The following SND1 variants were observed in gnomAD, a reference collection of about 807,000 sequenced individuals.
The protein encoded by SND1 is staphylococcal nuclease domain-containing protein 1.
In SND1, 38 loss-of-function variants were observed where a neutral mutation model predicts 121.7. The ratio of observed to expected loss-of-function variants is 0.31; its 90% CI spans 0.24 to 0.41. SND1 has a LOEUF of 0.41. Among genes scored for constraint, SND1 ranks in the 10% least tolerant of loss-of-function variants. The pLI, the probability that SND1 is intolerant of heterozygous loss-of-function variation, is 1.00. For synonymous variants in SND1, 401 were observed against 447.4 expected (o/e 0.90, Z 1.31); for missense variants, 868 against 1,184.6 (o/e 0.73, Z 3.92).
At position 127,929,276 on chromosome 7, in the gene SND1, G is replaced by T. The variant is rs143989011; in HGVS notation, c.1616G>T (p.Arg539Leu). 6.2e-7 allele frequency: 1 copy of T among 1,614,016 alleles called. No individual in the cohort carries two copies. Among genetic ancestry groups the T allele is most frequent in the South Asian group, 1.1e-5 (1 of 91,074 alleles). Residue 539 changes from arginine to leucine, a missense_variant, in exon 15 of 24, where the codon CGT (arginine) becomes CTT (leucine). Arg to Leu is a moderately radical substitution (Grantham distance 102). Transcript: ENST00000354725. ...GTGGAATACGTCTTCAGTGGTTCTC[G>T]TCTCAAACTCTATTTGCCAAAGGAA... is the stretch of plus-strand genomic sequence containing the variant. ...AVVEYVFSGS[R>L]LKLYLPKETC...
rs371153040 is a variant in SND1 at position 128,050,427 on chromosome 7, GA to G, written c.1780-24071del. ...CTCACAGCATTGAGTCTGATACTGA[GA>G]AAAGAAAGCCTCTGCAAGTTTAGCT... On this transcript the variant is annotated intron_variant, in intron 16 of 23. Coordinates refer to ENST00000354725, the MANE Select transcript of SND1 (RefSeq NM_014390.4). Among the ~76,000 whole-genome samples the G allele has an allele frequency of 9.1e-4, 138 of 152,306 alleles. 1 individual carries two copies. Among genetic ancestry groups the G allele is most frequent in the Middle Eastern group, 3.4e-3 (1 of 294 alleles).
At chr7:127,693,060 T>C (rs1795948971) in intron 2 of SND1, among the ~76,000 whole-genome samples, 1 of 152,252 alleles carries the variant, frequency 6.6e-6, no homozygotes, top group Non-Finnish European at 1.5e-5. Flanking sequence ...AGCTCTATGT[T>C]ACTGAATTTT....
chr7:127,663,952 G>A (rs1260554698), intron 1 of SND1, among the ~76,000 whole-genome samples: 2 of 152,170 alleles, frequency 1.3e-5, no homozygotes, highest in Non-Finnish European at 2.9e-5. Context: ...TAAGAAGGTG[G>A]TGTGTGATAT....
At chr7:127,768,107 A>G (rs1276152546) in intron 10 of SND1, among the ~76,000 whole-genome samples, 1 of 152,196 alleles carries the variant, frequency 6.6e-6, no homozygotes. Flanking sequence ...TCTGGGACAT[A>G]GAATAGGTTG....
At chr7:127,765,413 C>T (rs530141369) in intron 10 of SND1, among the ~76,000 whole-genome samples, 29 of 152,324 alleles carry the variant, frequency 1.9e-4, no homozygotes, top group Non-Finnish European at 2.8e-4. Context: ...ACTCAGACAT[C>T]TTCTTTGTGT....
At chr7:127,737,892 G>A (rs1355558867) in intron 10 of SND1, among the ~76,000 whole-genome samples, 1 of 152,154 alleles carries the variant, frequency 6.6e-6, no homozygotes, top group Non-Finnish European at 1.5e-5. Context: ...AGGCAAGAGG[G>A]CAGCCATTGA....
intron 14 of SND1, among the ~76,000 whole-genome samples, chr7:127,924,143 A>G (rs1465348987): frequency 2.0e-5 from 3 of 152,000 alleles, no homozygotes; most frequent in Non-Finnish European, 2.9e-5. Flanking sequence ...ATAGGAAGAA[A>G]CATCCTGGGA....
intron 12 of SND1, among the ~76,000 whole-genome samples, chr7:127,864,728 T>C (rs1167354218): frequency 1.3e-5 from 2 of 152,178 alleles, no homozygotes; most frequent in African/African-American, 4.8e-5. Context: ...GCACTATGGA[T>C]TTTGCTGGTC....
In SND1 at chr7:127,926,718, ATTTTGTTGTTGTTGTTGTTGTTGT is replaced by A. The variant is rs1228295755; in HGVS notation, c.1528-2468_1528-2445del. ...CAGGTGCCCACCACCACACCCGGCT[ATTTTGTTGTTGTTGTTGTTGTTGT>A]TGTTGTTGTTGTTGTTGTTGTTGTA... On this transcript the variant is annotated intron_variant, in intron 14 of 23. Transcript: ENST00000354725. Among the ~76,000 whole-genome samples the A allele has an allele frequency of 1.7e-4, 12 of 72,124 alleles. No individual in the cohort carries two copies. The East Asian group carries it at 3.0e-3, about 18-fold the overall frequency. The allele number at this position is 72,124 out of a possible 152,430, so 47.3% of individuals were successfully genotyped here.
chr7:127,961,392 A>G (rs1021886166), intron 15 of SND1, among the ~76,000 whole-genome samples: 8 of 152,224 alleles, frequency 5.3e-5, no homozygotes, highest in Non-Finnish European at 1.0e-4. Flanking sequence ...AGATCCAGGC[A>G]TCTTTATTCC....
At chr7:127,840,124 C>T (rs1288959655) in intron 11 of SND1, among the ~76,000 whole-genome samples, 1 of 152,194 alleles carries the variant, frequency 6.6e-6, no homozygotes. Flanking sequence ...AAGACATGGT[C>T]TCCCCACTCT....
At chr7:128,019,916 C>G (rs911281809) in intron 16 of SND1, among the ~76,000 whole-genome samples, 1 of 152,156 alleles carries the variant, frequency 6.6e-6, no homozygotes, top group Non-Finnish European at 1.5e-5. Flanking sequence ...CTTGCTTACA[C>G]AACACTAGGA....
intron 1 of SND1, among the ~76,000 whole-genome samples, chr7:127,666,256 G>A (rs957341748): frequency 1.3e-5 from 2 of 152,214 alleles, no homozygotes; most frequent in Non-Finnish European, 2.9e-5. Flanking sequence ...GTAAGGCGAT[G>A]TGGGGCTGCT....
intron 11 of SND1, among the ~76,000 whole-genome samples, chr7:127,823,058 G>C (rs1160990634): frequency 6.6e-6 from 1 of 152,214 alleles, no homozygotes; most frequent in Non-Finnish European, 1.5e-5. Context: ...TAAGAACAGA[G>C]AGCAGTACAC....
intron 13 of SND1, among the ~76,000 whole-genome samples, chr7:127,898,167 A>C (rs1800156253): frequency 6.6e-6 from 1 of 152,104 alleles, no homozygotes; most frequent in African/African-American, 2.4e-5. Flanking sequence ...TGTCATACCC[A>C]GCACAATAGC....
At position 127,882,368 on chromosome 7, in the gene SND1, C is replaced by CAGGAAGGGAGGG. The variant is rs1282193889; in HGVS notation, c.1344-5518_1344-5507dup. ...CCCATAGGAGGGGAAGGAAGGCAGGCAGGAAGGGAGGGAGGAAGGGAGGGA... is the reference window on the plus strand; with the variant it reads ...CCCATAGGAGGGGAAGGAAGGCAGGCAGGAAGGGAGGGAGGAAGGGAGGGAGGAAGGGAGGGA... On this transcript the variant is annotated intron_variant, in intron 12 of 23. Transcript: ENST00000354725. 2.8e-4 allele frequency among the ~76,000 whole-genome samples: 33 copies of CAGGAAGGGAGGG among 117,170 alleles called. No homozygotes were observed. The East Asian group carries it at 6.4e-3, about 23-fold the overall frequency. 76.9% of individuals were successfully genotyped at this position (117,170 alleles called of 152,430 possible).
intron 18 of SND1, among the ~76,000 whole-genome samples, chr7:128,083,099 A>C (rs754413042): frequency 2.0e-5 from 3 of 152,140 alleles, no homozygotes; most frequent in Non-Finnish European, 4.4e-5. Context: ...CTCTCTGCTG[A>C]AACCTTTCAT....
At chr7:127,988,636 A>C (rs112669639) in intron 15 of SND1, among the ~76,000 whole-genome samples, 179 of 152,332 alleles carry the variant, frequency 1.2e-3, no homozygotes, top group African/African-American at 3.8e-3. Flanking sequence ...AGCTTCACCA[A>C]CCTGGTGAGA....
At chr7:128,014,964 A>G (rs762698703) in intron 16 of SND1, among the ~76,000 whole-genome samples, 2 of 152,176 alleles carry the variant, frequency 1.3e-5, no homozygotes, top group Non-Finnish European at 2.9e-5. Context: ...CCCTCCCTCT[A>G]TATCTTGTCA....
Sources: gnomAD v4.1 joint callset for allele counts (sites outside exome capture counted in the v4.1 genomes callset) on GRCh38, gnomAD v4.1.1 for gene constraint, MANE v1.5 for transcripts, NCBI Gene and HGNC (gene_info 2026-07-23, HGNC 2026-07-21) for gene names.